NSD2: variants seen among roughly 807,000 people sequenced by gnomAD.
NSD2 encodes the protein nuclear receptor binding SET domain protein 2.
Under a neutral mutation model 139.0 loss-of-function variants are expected in NSD2, and 12 were observed. The observed-to-expected ratio is 0.09, with a 90% CI of 0.06 to 0.14. NSD2 has a LOEUF of 0.14. Ranked by LOEUF, NSD2 falls within the 10% of genes least tolerant of loss-of-function variation. The pLI, the probability that NSD2 is intolerant of heterozygous loss-of-function variation, is 1.00. For synonymous variants in NSD2, 669 were observed against 648.7 expected (o/e 1.03, Z -0.48); for missense variants, 1,155 against 1,745.0 (o/e 0.66, Z 6.02).
chr4:1,891,481 A>G (rs1245593947), intron 1 of NSD2, among the ~76,000 whole-genome samples: 2 of 152,136 alleles, frequency 1.3e-5, no homozygotes, highest in Non-Finnish European at 2.9e-5. Flanking sequence ...TCACGGAATT[A>G]TCAGAGTGGG....
At chr4:1,940,233 A>C in intron 9 of NSD2, 4 of 1,076,764 alleles carry the variant, frequency 3.7e-6, no homozygotes, top group Non-Finnish European at 4.5e-6. Flanking sequence ...AGGCTCATGG[A>C]GGAAGCCAAA....
rs750479519 is a variant in NSD2 at position 1,961,116 on chromosome 4, G to A, written c.3337G>A (p.Asp1113Asn). The stretch of plus-strand genomic sequence containing the variant: ...GAGAATCAAGCACGCACACGAGAAC[G>A]ACATCACCCACTTCTACATGCTCAC... ...MARIKHAHEN[D>N]ITHFYMLTID... Residue 1113 changes from aspartate (D) to asparagine (N), a missense_variant, in exon 18 of 22, where the codon GAC becomes AAC. Physicochemically the swap from Asp to Asn is conservative, Grantham distance 23. Transcript: ENST00000508803. The A allele has an allele frequency of 5.6e-6, 9 of 1,613,216 alleles. No homozygotes were observed. The highest frequency in any genetic ancestry group is 1.1e-5 in the South Asian group (1 of 91,034).
intron 1 of NSD2, among the ~76,000 whole-genome samples, chr4:1,888,997 A>G (rs1343728242): frequency 6.6e-6 from 1 of 150,438 alleles, no homozygotes; most frequent in Non-Finnish European, 1.5e-5. Flanking sequence ...TCCCGGGTTC[A>G]AGTGATTCTT....
chr4:1,945,677 G>A, intron 9 of NSD2: 1 of 1,063,644 alleles, frequency 9.4e-7, no homozygotes, highest in Non-Finnish European at 1.1e-6. Flanking sequence ...TCCAAATGAG[G>A]GAAAAGTCCT....
intron 1 of NSD2, among the ~76,000 whole-genome samples, chr4:1,883,488 T>C (rs1173389799): frequency 6.6e-6 from 1 of 151,904 alleles, no homozygotes; most frequent in Non-Finnish European, 1.5e-5. Flanking sequence ...AAAAAATAGC[T>C]GGGCGTGGTG....
chr4:1,977,932 G>A (rs1320938978), intron 21 of NSD2, among the ~76,000 whole-genome samples: 1 of 152,164 alleles, frequency 6.6e-6, no homozygotes, highest in Non-Finnish European at 1.5e-5. Context: ...TTCGAGAGCA[G>A]CCTGGCCAAC....
In NSD2 at chr4:1,979,119, CT is replaced by C. The variant is rs1727481288; in HGVS notation, c.*211del. The C allele has an allele frequency of 2.0e-6, 1 of 501,066 alleles. No homozygotes were observed. The highest frequency in any genetic ancestry group is 4.1e-5 in the Admixed American group (1 of 24,216). 31.0% of individuals were successfully genotyped at this position (501,066 alleles called of 1,614,324 possible). On this transcript the variant is annotated 3_prime_UTR_variant, in exon 22 of 22. Transcript: ENST00000508803. ...TGCACTGATGACCGTCTGAGCCCAGCTCAGCGTTCCTGGACAAACAGCCTCA... is the reference window on the plus strand; with the variant it reads ...TGCACTGATGACCGTCTGAGCCCAGCCAGCGTTCCTGGACAAACAGCCTCA...
At chr4:1,894,083 A>G (rs1288819520) in intron 1 of NSD2, among the ~76,000 whole-genome samples, 2 of 152,144 alleles carry the variant, frequency 1.3e-5, no homozygotes, top group Non-Finnish European at 2.9e-5. Context: ...TTCTAGGACT[A>G]GCTTCTAGGA....
At chr4:1,910,238 T>A (rs1718488229) in intron 3 of NSD2, among the ~76,000 whole-genome samples, 1 of 152,078 alleles carries the variant, frequency 6.6e-6, no homozygotes, top group Non-Finnish European at 1.5e-5. Flanking sequence ...TCAACCTTTT[T>A]TTTTTTCGAG....
intron 3 of NSD2, among the ~76,000 whole-genome samples, chr4:1,904,715 A>G (rs1400240358): frequency 6.6e-6 from 1 of 152,252 alleles, no homozygotes; most frequent in African/African-American, 2.4e-5. Flanking sequence ...AAGTTGTAAA[A>G]ATGTCCAAGT....
chr4:1,952,280 C>T (rs750162968), intron 11 of NSD2, 49 bp downstream of exon 11: 6 of 1,605,476 alleles, frequency 3.7e-6, no homozygotes, highest in South Asian at 3.3e-5. Context: ...GCCACCTGCT[C>T]CTGCAACCCC....
chr4:1,946,747 T>C (rs1723674879), intron 9 of NSD2: 1 of 1,045,634 alleles, frequency 9.6e-7, no homozygotes, highest in South Asian at 4.6e-5. Flanking sequence ...AGAAAATTAT[T>C]TGTATTATAT....
At chr4:1,879,459 T>G (rs928339306) in intron 1 of NSD2, among the ~76,000 whole-genome samples, 1 of 152,136 alleles carries the variant, frequency 6.6e-6, no homozygotes, top group African/African-American at 2.4e-5. Flanking sequence ...GACCTTGTGA[T>G]CCGCCCGCCT....
chr4:1,976,919 A>AG lies in NSD2; in HGVS notation c.3826+242dup, dbSNP rs576110583. Among the ~76,000 whole-genome samples, 51 of 152,366 alleles carry AG rather than the reference A, an allele frequency of 3.3e-4. No homozygotes were observed. Among genetic ancestry groups the AG allele is most frequent in the African/African-American group, 1.1e-3 (46 of 41,586 alleles). ...TGACGGGGTAGCCCCTGGAACCTCC[A>AG]GGAGGGATTCAGGCAGCCCAAGGCC... On this transcript the variant is annotated intron_variant, in intron 21 of 21. Coordinates refer to ENST00000508803, the MANE Select transcript of NSD2 (RefSeq NM_001042424.3). This position sits in a 1 kb window ranked among gnomAD's most constrained non-coding sequence, Gnocchi z 5.3.
chr4:1,875,850 A>G (rs1390031921), intron 1 of NSD2, among the ~76,000 whole-genome samples: 5 of 151,232 alleles, frequency 3.3e-5, no homozygotes, highest in African/African-American at 1.2e-4. Context: ...CGGAGCTTGC[A>G]GTGAGCCAAG....
At chr4:1,943,650 A>G in intron 9 of NSD2, 1 of 1,048,570 alleles carries the variant, frequency 9.5e-7, no homozygotes, top group South Asian at 4.6e-5. Flanking sequence ...ACATAGCCCC[A>G]AAGATGGTCT....
Position 1,889,432 on chromosome 4 carries a change from C to T in NSD2, c.-29-11194C>T, listed in dbSNP as rs1715362811. ...CTGGTCTTGAACTCCTGGGCTCAAG[C>T]GATCCTCCTGCCTGGGCCAACCAGA... On this transcript the variant is annotated intron_variant, in intron 1 of 21. Transcript: ENST00000508803. 2.6e-5 allele frequency among the ~76,000 whole-genome samples: 4 copies of T among 151,912 alleles called. 1 individual carries two copies. In the South Asian group the frequency reaches 8.3e-4, roughly 32 times the overall value.
intron 7 of NSD2, 117 bp downstream of exon 7, chr4:1,935,379 T>G (rs1231998022): frequency 4.1e-6 from 3 of 727,868 alleles, no homozygotes; most frequent in Non-Finnish European, 6.9e-6. Flanking sequence ...ACCCAGCTCC[T>G]TCCAGGCTGG....
At chr4:1,915,761 G>T (rs1279759394) in intron 3 of NSD2, among the ~76,000 whole-genome samples, 2 of 152,144 alleles carry the variant, frequency 1.3e-5, no homozygotes, top group Non-Finnish European at 2.9e-5. Context: ...AGACTCACTG[G>T]AGAGGTTTTT....
Sources: allele counts gnomAD v4.1 joint callset (sites outside exome capture counted in the v4.1 genomes callset), GRCh38; gene constraint gnomAD v4.1.1; non-coding constraint Gnocchi (gnomAD v3.1); transcripts MANE v1.5; gene names NCBI Gene and HGNC (gene_info 2026-07-23, HGNC 2026-07-21).